ZNF189: variants seen among roughly 807,000 people sequenced by gnomAD.
ZNF189 encodes zinc finger protein 189.
In ZNF189, 33 loss-of-function variants were observed where a neutral mutation model predicts 53.5. The observed-to-expected ratio is 0.62, with a 90% confidence interval of 0.47 to 0.82. The LOEUF (loss-of-function observed/expected upper bound fraction) is 0.82. Ranked by LOEUF, ZNF189 falls within the 40% of genes least tolerant of loss-of-function variation. The pLI is 0.00. For missense variants in ZNF189, 711 were observed against 753.9 expected, an observed-to-expected ratio of 0.94 and a Z score of 0.67; for synonymous variants, 247 against 238.8, an observed-to-expected ratio of 1.03 and a Z score of -0.32.
chr9:101,409,759 T>C lies in ZNF189; in HGVS notation c.*110T>C. 1 of 1,260,848 alleles carries C rather than the reference T, an allele frequency of 7.9e-7. No homozygotes were observed. The allele number at this position is 1,260,848 out of a possible 1,614,324, so 78.1% of individuals were successfully genotyped here. On this transcript the variant is annotated 3_prime_UTR_variant, in exon 3 of 3. Transcript: ENST00000339664. ...GTGATAAAGCAAATTCTCCTTGGCC[T>C]CAGGCAAATAGTTTCTAAAGATTCT...
rs1830872161 is a variant in ZNF189 at position 101,409,749 on chromosome 9, C to T, written c.*100C>T. 3 of 1,351,724 alleles carry T rather than the reference C, an allele frequency of 2.2e-6. No individual in the cohort carries two copies. Among genetic ancestry groups the T allele is most frequent in the Admixed American group, 2.8e-5 (1 of 36,234 alleles). The allele number at this position is 1,351,724 out of a possible 1,614,324, so 83.7% of individuals were successfully genotyped here. A position where few individuals can be genotyped will look rare whatever the true frequency, so the allele number is the denominator to read the frequency against. ...GTCAGATTTAGTGATAAAGCAAATT[C>T]TCCTTGGCCTCAGGCAAATAGTTTC... On this transcript the variant is annotated 3_prime_UTR_variant, in exon 3 of 3. Coordinates refer to ENST00000339664, the MANE Select transcript of ZNF189 (RefSeq NM_003452.4).
In ZNF189 at chr9:101,409,931, G is replaced by C. The variant is rs545170620; in HGVS notation, c.*282G>C. ...AGGTTCAGAGCATGGGTGCTCTGAG[G>C]GACAAAGTTGGATTAGTATAAGGGA... is the stretch of plus-strand genomic sequence containing the variant. On this transcript the variant is annotated 3_prime_UTR_variant, in exon 3 of 3. Coordinates refer to ENST00000339664, the MANE Select transcript of ZNF189 (RefSeq NM_003452.4). The C allele has an allele frequency of 9.4e-5, 29 of 307,440 alleles. No individual in the cohort carries two copies. The highest frequency in any genetic ancestry group is 6.3e-4 in the African/African-American group (29 of 45,844). 19.0% of individuals were successfully genotyped at this position (307,440 alleles called of 1,614,324 possible).
chr9:101,408,017 A>G lies in ZNF189; in HGVS notation c.249A>G (p.Ile83Met). The change falls in exon 3 of 3, where the codon ATA becomes ATG. Residue 83 changes from isoleucine to methionine, a missense_variant. Physicochemically the swap from Ile to Met is conservative, Grantham distance 10. Transcript: ENST00000339664. The stretch of plus-strand genomic sequence containing the variant: ...AAGAAGTGGAACCACAGGGTGTAAT[A>G]GTTACAAGAATCAAAAGTGAAATTG... ...IEEEVEPQGV[I>M]VTRIKSEIDQ... 6.2e-7 allele frequency: 1 copy of G among 1,613,702 alleles called. No individual in the cohort carries two copies. The highest frequency in any genetic ancestry group is 8.5e-7 in the Non-Finnish European group (1 of 1,179,878).
chr9:101,400,000 G>A lies in ZNF189; in HGVS notation c.150G>A (p.Leu50=). The A allele has an allele frequency of 1.2e-6, 2 of 1,613,866 alleles. No homozygotes were observed. Among genetic ancestry groups the A allele is most frequent in the South Asian group, 1.1e-5 (1 of 91,026 alleles). The part of the protein sequence containing the change: ...KDVMMENYGN[L]VSLDVLNRDK... ...TCATGATGGAGAATTATGGAAACCT[G>A]GTCTCACTGGGTAAGAATCTGCTGT... is the stretch of plus-strand genomic sequence containing the variant. Residue 50 remains leucine, a synonymous_variant, in exon 2 of 3, where the codon CTG becomes CTA. Coordinates refer to ENST00000339664, the MANE Select transcript of ZNF189 (RefSeq NM_003452.4).
chr9:101,405,805 G>A (rs531206051), intron 2 of ZNF189, among the ~76,000 whole-genome samples: 1 of 152,278 alleles, frequency 6.6e-6, no homozygotes, highest in Admixed American at 6.5e-5. Flanking sequence ...GCCAGGCACG[G>A]TGGCTCACTT....
Position 101,408,833 on chromosome 9 carries a change from G to C in ZNF189, c.1065G>C (p.Arg355=). Residue 355 remains arginine, a synonymous_variant, in exon 3 of 3, where the codon CGG becomes CGC. Coordinates refer to ENST00000339664, the MANE Select transcript of ZNF189 (RefSeq NM_003452.4). ...TTGAGTGTGGAAAAAGTTTCAGTCGGAGCTCATTCCTTATTGAACATCAGA... is the reference window on the plus strand; with the variant it reads ...TTGAGTGTGGAAAAAGTTTCAGTCGCAGCTCATTCCTTATTGAACATCAGA... The part of the protein sequence containing the change: ...LCIECGKSFS[R]SSFLIEHQRI... The C allele has an allele frequency of 1.2e-6, 2 of 1,614,100 alleles. No homozygotes were observed. Among genetic ancestry groups the C allele is most frequent in the Non-Finnish European group, 1.7e-6 (2 of 1,180,010 alleles).
chr9:101,407,087 C>T (rs138603504), intron 2 of ZNF189, among the ~76,000 whole-genome samples: 183 of 152,282 alleles, frequency 1.2e-3, no homozygotes, highest in African/African-American at 4.3e-3. Flanking sequence ...TTCTGCATCT[C>T]GATATCATAG....
chr9:101,400,131 C>G (rs1414839993), intron 2 of ZNF189, 121 bp downstream of exon 2: 63 of 1,323,926 alleles, frequency 4.8e-5, no homozygotes, highest in Non-Finnish European at 5.8e-5. Flanking sequence ...TGATTCAAAC[C>G]TTTTAGCCAT....
In ZNF189 at chr9:101,399,184, T is replaced by A; in HGVS notation, c.28T>A (p.Ser10Thr). 1 of 1,586,008 alleles carries A rather than the reference T, an allele frequency of 6.3e-7. No individual in the cohort carries two copies. The highest frequency in any genetic ancestry group is 8.6e-7 in the Non-Finnish European group (1 of 1,162,164). The change falls in exon 1 of 3, where the codon TCG (serine) becomes ACG (threonine). Residue 10 changes from serine to threonine, a missense_variant. Coordinates refer to ENST00000339664, the MANE Select transcript of ZNF189 (RefSeq NM_003452.4). Reference protein sequence around the residue: MASPSPPPESKGLLTFEDVA... With the variant: MASPSPPPETKGLLTFEDVA... ...GGCTTCCCCGAGCCCCCCGCCGGAG[T>A]CGAAGGTAAGTAAGCACCCCCCCGG...
Position 101,401,178 on chromosome 9 carries a change from A to G in ZNF189, c.160+1168A>G, listed in dbSNP as rs576023976. ...AACCAGAAAGATTGATATCCTTTAT[A>G]TAAGTATGGCCTTTTTCTTCCACTC... On this transcript the variant is annotated intron_variant, in intron 2 of 2. Coordinates refer to ENST00000339664, the MANE Select transcript of ZNF189 (RefSeq NM_003452.4). 8.5e-5 allele frequency among the ~76,000 whole-genome samples: 13 copies of G among 152,356 alleles called. 1 individual carries two copies. The highest frequency in any genetic ancestry group is 3.1e-4 in the African/African-American group (13 of 41,588).
rs201223687 is a variant in ZNF189, at chr9:101,409,098, G to T, written c.1330G>T (p.Val444Phe). 2 of 1,613,858 alleles carry T rather than the reference G, an allele frequency of 1.2e-6. No individual in the cohort carries two copies. Among genetic ancestry groups the T allele is most frequent in the Non-Finnish European group, 1.7e-6 (2 of 1,179,944 alleles). ...KESFDPNCSLVIQQEVYPKEK... is the reference protein window; with the variant it reads ...KESFDPNCSLFIQQEVYPKEK... ...AAGTTTTGATCCAAATTGCAGTCTT[G>T]TTATACAGCAGGAAGTCTACCCTAA... Residue 444 changes from valine to phenylalanine, a missense_variant, in exon 3 of 3, where the codon GTT becomes TTT. Coordinates refer to ENST00000339664, the MANE Select transcript of ZNF189 (RefSeq NM_003452.4).
At chr9:101,400,863 C>T (rs1322070459) in intron 2 of ZNF189, among the ~76,000 whole-genome samples, 1 of 152,216 alleles carries the variant, frequency 6.6e-6, no homozygotes, top group East Asian at 1.9e-4. Context: ...CCAAAACAGA[C>T]AGGCTTTCTC....
intron 2 of ZNF189, among the ~76,000 whole-genome samples, chr9:101,406,524 A>C (rs1830715605): frequency 6.6e-6 from 1 of 152,218 alleles, no homozygotes; most frequent in Admixed American, 6.5e-5. Context: ...AAGAAAATAC[A>C]GCCCACTGAA....
Position 101,409,589 on chromosome 9 carries a change from C to G in ZNF189, c.1821C>G (p.Ala607=), listed in dbSNP as rs371845980. Residue 607 remains alanine, a synonymous_variant, in exon 3 of 3, where the codon GCC becomes GCG. Coordinates refer to ENST00000339664, the MANE Select transcript of ZNF189 (RefSeq NM_003452.4). ...ETHECDACGE[A]FNCRISLIQH... is the part of the protein sequence containing the mutation. ...ATGAATGTGACGCTTGTGGTGAAGC[C>G]TTTAATTGCCGTATTTCTCTTATTC... is the stretch of plus-strand genomic sequence containing the variant. 3.1e-6 allele frequency: 5 copies of G among 1,613,342 alleles called. No homozygotes were observed. The highest frequency in any genetic ancestry group is 1.7e-5 in the Admixed American group (1 of 59,820).
Position 101,409,673 on chromosome 9 carries a change from A to G in ZNF189, c.*24A>G. The G allele has an allele frequency of 1.9e-6, 3 of 1,564,838 alleles. No homozygotes were observed. Among genetic ancestry groups the G allele is most frequent in the Non-Finnish European group, 1.7e-6 (2 of 1,159,196 alleles). Reference sequence around the variant, plus strand: ...AAATGTAGAGCAATACATAAGCTCAATTTGATTTGAGACTAGTACCCAAGT... The same window carrying G: ...AAATGTAGAGCAATACATAAGCTCAGTTTGATTTGAGACTAGTACCCAAGT... On this transcript the variant is annotated 3_prime_UTR_variant, in exon 3 of 3. Transcript: ENST00000339664.
Position 101,409,162 on chromosome 9 carries a change from T to C in ZNF189, c.1394T>C (p.Phe465Ser), listed in dbSNP as rs1830837555. 1 of 1,613,996 alleles carries C rather than the reference T, an allele frequency of 6.2e-7. No individual in the cohort carries two copies. Among genetic ancestry groups the C allele is most frequent in the Non-Finnish European group, 8.5e-7 (1 of 1,180,012 alleles). The change falls in exon 3 of 3, where the codon TTT becomes TCT. Residue 465 changes from phenylalanine to serine, a missense_variant. By Grantham distance (155) the Phe-to-Ser change is radical (BLOSUM62 -2). Coordinates refer to ENST00000339664, the MANE Select transcript of ZNF189 (RefSeq NM_003452.4). ...SYKCDECGKTFSVSAHLVQHQ... is the reference protein window; with the variant it reads ...SYKCDECGKTSSVSAHLVQHQ... Reference sequence around the variant, plus strand: ...AAATGTGATGAATGTGGGAAAACTTTTAGTGTTAGTGCTCATCTTGTACAA... The same window carrying C: ...AAATGTGATGAATGTGGGAAAACTTCTAGTGTTAGTGCTCATCTTGTACAA...
chr9:101,402,061 A>G (rs10819927), intron 2 of ZNF189, among the ~76,000 whole-genome samples: 57,034 of 151,986 alleles, frequency 0.38, 11,184 homozygotes, highest in Middle Eastern at 0.46. Context: ...ACAAACAGGC[A>G]TGCACCGCCA....
chr9:101,403,098 A>ATGTGTGTG (rs3983733), intron 2 of ZNF189, among the ~76,000 whole-genome samples: 42,268 of 148,452 alleles, frequency 0.28, 6,710 homozygotes, highest in South Asian at 0.49. Flanking sequence ...AGCTGCTGAT[A>ATGTGTGTG]TGTGTGTGTG....
chr9:101,408,877 G>A lies in ZNF189; in HGVS notation c.1109G>A (p.Arg370Lys), dbSNP rs769142953. 3 of 1,614,094 alleles carry A rather than the reference G, an allele frequency of 1.9e-6. No individual in the cohort carries two copies. The East Asian group carries it at 6.7e-5, about 36-fold the overall frequency. Reference sequence around the variant, plus strand: ...CATCAGAGGATCCATACTGGTGAAAGACCTTATCAGTGCAAAGAGTGTGGG... The same window carrying A: ...CATCAGAGGATCCATACTGGTGAAAAACCTTATCAGTGCAAAGAGTGTGGG... ...IEHQRIHTGE[R>K]PYQCKECGKS... The change falls in exon 3 of 3, where the codon AGA becomes AAA. Residue 370 changes from arginine (R) to lysine (K), a missense_variant. Arg to Lys is a conservative substitution (Grantham distance 26). Transcript: ENST00000339664.
Sources: allele counts gnomAD v4.1 joint callset (sites outside exome capture counted in the v4.1 genomes callset), GRCh38; gene constraint gnomAD v4.1.1; transcripts MANE v1.5; gene names NCBI Gene and HGNC (gene_info 2026-07-23, HGNC 2026-07-21).